The following CELF2 variants were observed in gnomAD, a reference collection of about 807,000 sequenced individuals.
CELF2 encodes the protein CUG triplet repeat RNA-binding protein 2.
In CELF2, 8 loss-of-function variants were observed where a neutral mutation model predicts 62.6. The observed-to-expected ratio is 0.13, with a 90% CI of 0.07 to 0.23. The LOEUF is 0.23. Among genes scored for constraint, CELF2 ranks in the 10% least tolerant of loss-of-function variants. CELF2 has a pLI of 1.00. For missense variants in CELF2, 333 were observed against 671.0 expected, an observed-to-expected ratio of 0.50 and a Z score of 5.56; for synonymous variants, 258 against 250.0, an observed-to-expected ratio of 1.03 and a Z score of -0.30.
At position 10,995,863 on chromosome 10, in the gene CELF2, A is replaced by G. The variant is rs570105139; in HGVS notation, c.89+75864A>G. On this transcript the variant is annotated intron_variant, in intron 2 of 13. Transcript: ENST00000636488. The surrounding 1 kb of genome is among the most constrained non-coding windows in gnomAD (Gnocchi z 4.7). ...TCTCTGACAATGTAAACTCATGGGC[A>G]TTCTAGTTTCTATATATTTATGTTC... Among the ~76,000 whole-genome samples, 57 of 152,294 alleles carry G rather than the reference A, an allele frequency of 3.7e-4. 1 individual carries two copies. Among genetic ancestry groups the G allele is most frequent in the African/African-American group, 1.3e-3 (56 of 41,560 alleles).
Position 11,105,779 on chromosome 10 carries a change from C to T in CELF2, c.75-59707C>T, listed in dbSNP as rs551864279. Among the ~76,000 whole-genome samples, 10 of 152,308 alleles carry T rather than the reference C, an allele frequency of 6.6e-5. No individual in the cohort carries two copies. The East Asian group carries it at 1.5e-3, about 23-fold the overall frequency. On this transcript the variant is annotated intron_variant, in intron 1 of 12. Transcript: ENST00000633077. ...TGCTCTGGGATCCTGTGCTCTTTCCCGCTGCATGTCCACAGAGCTTGCAGG... is the reference window on the plus strand; with the variant it reads ...TGCTCTGGGATCCTGTGCTCTTTCCTGCTGCATGTCCACAGAGCTTGCAGG...
intron 4 of CELF2, among the ~76,000 whole-genome samples, chr10:11,251,615 G>A (rs1426379786): frequency 6.6e-6 from 1 of 152,094 alleles, no homozygotes. Context: ...GATTTGACCC[G>A]ACTCCACGCT....
intron 1 of CELF2, among the ~76,000 whole-genome samples, chr10:11,089,578 A>G (rs2047748681): frequency 6.6e-6 from 1 of 152,174 alleles, no homozygotes; most frequent in Non-Finnish European, 1.5e-5. Context: ...GAGTGTCAGT[A>G]TATGGTCTTT....
intron 3 of CELF2, among the ~76,000 whole-genome samples, chr10:11,238,020 T>A (rs921580314): frequency 2.0e-5 from 3 of 152,216 alleles, no homozygotes; most frequent in Admixed American, 6.5e-5. Context: ...CATTATCATT[T>A]CAGTGTGTAT....
At chr10:10,974,871 A>G (rs1434767122) in intron 2 of CELF2, among the ~76,000 whole-genome samples, 2 of 152,236 alleles carry the variant, frequency 1.3e-5, no homozygotes, top group African/African-American at 4.8e-5. Flanking sequence ...TCATAAAGGA[A>G]GGCAAACCAT....
chr10:10,596,566 A>C, the CELF2 span, among the ~76,000 whole-genome samples: 1 of 152,200 alleles, frequency 6.6e-6, no homozygotes, highest in Admixed American at 6.5e-5. Context: ...TCTGCATTAC[A>C]GAGCATACAG....
the CELF2 span, among the ~76,000 whole-genome samples, chr10:10,528,161 G>T: frequency 0.48 from 33,741 of 70,170 alleles, 5,661 homozygotes; most frequent in African/African-American, 0.62. Flanking sequence ...TTCCTGTTTT[G>T]TGTGTGTGTG....
chr10:10,480,778 AATC>A, the CELF2 span, among the ~76,000 whole-genome samples: 1 of 152,212 alleles, frequency 6.6e-6, no homozygotes, highest in East Asian at 1.9e-4. Context: ...GTGCATAGAG[AATC>A]ATCAACATCC....
chr10:10,573,968 G>T, the CELF2 span, among the ~76,000 whole-genome samples: 1 of 152,042 alleles, frequency 6.6e-6, no homozygotes, highest in African/African-American at 2.4e-5. Context: ...TATTCTTCTG[G>T]TTTAAAAAAA....
At chr10:11,197,545 C>A (rs1362725077) in intron 2 of CELF2, among the ~76,000 whole-genome samples, 1 of 152,252 alleles carries the variant, frequency 6.6e-6, no homozygotes, top group African/African-American at 2.4e-5. Context: ...CCAGTGAGAA[C>A]AGCAGCAGCA....
chr10:11,153,118 T>C lies in CELF2; in HGVS notation c.75-12368T>C, dbSNP rs550496892. ...TCATTTAGAGCCGTTGGCTCATGCC[T>C]AATTTTCCCAAGAAACTGGCAATTT... is the stretch of plus-strand genomic sequence containing the variant. On this transcript the variant is annotated intron_variant, in intron 1 of 12. Coordinates refer to ENST00000633077, the MANE Select transcript of CELF2 (RefSeq NM_001326342.2). Among the ~76,000 whole-genome samples the C allele has an allele frequency of 2.0e-5, 3 of 152,374 alleles. No individual in the cohort carries two copies. In the East Asian group the frequency reaches 5.8e-4, roughly 29 times the overall value.
intron 1 of CELF2, among the ~76,000 whole-genome samples, chr10:11,083,733 C>T (rs2074660581): frequency 6.6e-6 from 1 of 152,212 alleles, no homozygotes. Context: ...GAATTGGACT[C>T]TGGGTTCCAC....
chr10:11,257,615 T>C, intron 4 of CELF2, 123 bp from the exon 5 acceptor site: 1 of 1,030,514 alleles, frequency 9.7e-7, no homozygotes, highest in Non-Finnish European at 1.4e-6. Context: ...GTCTGCAGAG[T>C]TGGCCTTGGG....
At chr10:10,773,241 G>T in the CELF2 span, among the ~76,000 whole-genome samples, 3 of 152,238 alleles carry the variant, frequency 2.0e-5, no homozygotes, top group South Asian at 4.2e-4. Context: ...GGGGATTATT[G>T]TGTTATATGT....
the CELF2 span, among the ~76,000 whole-genome samples, chr10:10,543,171 G>C: frequency 6.6e-6 from 1 of 152,172 alleles, no homozygotes; most frequent in African/African-American, 2.4e-5. Context: ...CTTAATATTT[G>C]CCTGGTGGCT....
chr10:11,285,252 G>A lies in CELF2; in HGVS notation c.842-3166G>A, dbSNP rs2090839423. 1.3e-5 allele frequency among the ~76,000 whole-genome samples: 2 copies of A among 152,026 alleles called. No homozygotes were observed. Among genetic ancestry groups the A allele is most frequent in the South Asian group, 4.1e-4 (2 of 4,826 alleles). On this transcript the variant is annotated intron_variant, in intron 8 of 12. Coordinates refer to ENST00000633077, the MANE Select transcript of CELF2 (RefSeq NM_001326342.2). The surrounding 1 kb of genome is among the most constrained non-coding windows in gnomAD (Gnocchi z 4.3). Reference sequence around the variant, plus strand: ...TTGTCCTCACATCCCTCAGATGCTGGGGATCACAGTGTCCTCTCCTTTCCA... The same window carrying A: ...TTGTCCTCACATCCCTCAGATGCTGAGGATCACAGTGTCCTCTCCTTTCCA...
intron 4 of CELF2, among the ~76,000 whole-genome samples, chr10:11,249,967 C>A (rs181532546): frequency 6.6e-6 from 1 of 152,348 alleles, no homozygotes; most frequent in African/African-American, 2.4e-5. Context: ...CTGACATAAT[C>A]AGTACTGTTT....
intron 1 of CELF2, among the ~76,000 whole-genome samples, chr10:11,054,970 C>T (rs1487986358): frequency 6.6e-6 from 1 of 152,324 alleles, no homozygotes; most frequent in Non-Finnish European, 1.5e-5. Context: ...CTGCCTCGGC[C>T]CCCTGGAGTG....
At chr10:10,667,720 C>G in the CELF2 span, among the ~76,000 whole-genome samples, 2 of 152,218 alleles carry the variant, frequency 1.3e-5, no homozygotes, top group Admixed American at 6.5e-5. Context: ...CCCCAATCCA[C>G]TGGAACACAG....
Sources: gnomAD v4.1 joint callset for allele counts (sites outside exome capture counted in the v4.1 genomes callset) on GRCh38, gnomAD v4.1.1 for gene constraint, Gnocchi (gnomAD v3.1) non-coding constraint, MANE v1.5 for transcripts, NCBI Gene and HGNC (gene_info 2026-07-23, HGNC 2026-07-21) for gene names.